Variants in SKAP1 observed in about 807,000 individuals in gnomAD.
SKAP1 encodes the protein src kinase associated phosphoprotein 1, also known as src kinase-associated phosphoprotein 1.
A neutral mutation model predicts 58.5 loss-of-function variants in SKAP1; 44 were observed. The ratio of observed to expected loss-of-function variants is 0.75; its 90% CI spans 0.59 to 0.97. The LOEUF (loss-of-function observed/expected upper bound fraction) is 0.97. Ranked by LOEUF, SKAP1 falls within the 50% of genes least tolerant of loss-of-function variation. The pLI, the probability that SKAP1 is intolerant of heterozygous loss-of-function variation, is 0.00. For synonymous variants in SKAP1, 127 were observed against 149.7 expected (o/e 0.85, Z 1.11); for missense variants, 390 against 435.2 (o/e 0.90, Z 0.92).
intron 4 of SKAP1, among the ~76,000 whole-genome samples, chr17:48,243,239 C>A (rs1308747700): frequency 6.6e-6 from 1 of 152,104 alleles, no homozygotes; most frequent in African/African-American, 2.4e-5. Context: ...CTTGAGCAAG[C>A]CATCTCCCTC....
intron 4 of SKAP1, among the ~76,000 whole-genome samples, chr17:48,249,328 T>C (rs1372742636): frequency 1.3e-5 from 2 of 152,160 alleles, no homozygotes; most frequent in African/African-American, 4.8e-5. Flanking sequence ...TATAATAGTA[T>C]TGAAAATAGT....
At chr17:48,318,946 CTT>C (rs1279729277) in intron 4 of SKAP1, among the ~76,000 whole-genome samples, 1 of 152,130 alleles carries the variant, frequency 6.6e-6, no homozygotes, top group Non-Finnish European at 1.5e-5. Context: ...GAATTCCCAA[CTT>C]AATGTAAATA....
At chr17:48,264,228 A>G (rs2065517133) in intron 4 of SKAP1, among the ~76,000 whole-genome samples, 1 of 151,982 alleles carries the variant, frequency 6.6e-6, no homozygotes, top group Non-Finnish European at 1.5e-5. Context: ...TATATATACA[A>G]AATGTATACA....
At chr17:48,428,823 A>C (rs1567910730) in intron 1 of SKAP1, among the ~76,000 whole-genome samples, 2 of 152,228 alleles carry the variant, frequency 1.3e-5, no homozygotes, top group African/African-American at 2.4e-5. Context: ...AGACACCCAG[A>C]TAATTCTCTT....
chr17:48,368,855 T>G (rs909582065), intron 2 of SKAP1, among the ~76,000 whole-genome samples: 1 of 152,262 alleles, frequency 6.6e-6, no homozygotes, highest in Non-Finnish European at 1.5e-5. Context: ...TTGTAGAGTA[T>G]GCTATTTGTG....
Position 48,298,619 on chromosome 17 carries a change from G to A in SKAP1, c.280+47286C>T, listed in dbSNP as rs77516324. Among the ~76,000 whole-genome samples the A allele has an allele frequency of 6.0e-4, 91 of 152,178 alleles. 1 individual carries two copies. In the East Asian group the frequency reaches 0.015, roughly 25 times the overall value. On this transcript the variant is annotated intron_variant, in intron 4 of 12. Transcript: ENST00000336915. The stretch of plus-strand genomic sequence containing the variant: ...AAGCTCCCTGATGACTACGTAATTC[G>A]CTTCAAGACACTATGTTTTGATTTA...
chr17:48,271,054 CT>C (rs1174378250), intron 4 of SKAP1, among the ~76,000 whole-genome samples: 2 of 151,986 alleles, frequency 1.3e-5, no homozygotes, highest in Non-Finnish European at 2.9e-5. Flanking sequence ...TTGCTTGTTT[CT>C]TTTTTTAAAC....
the SKAP1 span, among the ~76,000 whole-genome samples, chr17:48,436,684 C>A: frequency 1.3e-5 from 2 of 152,126 alleles, no homozygotes; most frequent in African/African-American, 4.8e-5. Flanking sequence ...CCCTCTACCT[C>A]CTCCAACTCT....
chr17:48,196,817 A>G (rs956165513), intron 4 of SKAP1: 10 of 152,262 alleles, frequency 6.6e-5, no homozygotes, highest in African/African-American at 2.4e-4. Context: ...TAACTGATTA[A>G]TCTTTGGAAT....
chr17:48,265,657 A>T (rs1048810915), intron 4 of SKAP1, among the ~76,000 whole-genome samples: 7 of 152,224 alleles, frequency 4.6e-5, no homozygotes, highest in Admixed American at 3.3e-4. Flanking sequence ...ATTTTATTCT[A>T]GTATTGTTGT....
chr17:48,338,567 T>C (rs2066607109), intron 4 of SKAP1, among the ~76,000 whole-genome samples: 1 of 152,138 alleles, frequency 6.6e-6, no homozygotes, highest in African/African-American at 2.4e-5. Flanking sequence ...TTAACCCAAA[T>C]GTATGGGTTA....
At chr17:48,146,753 T>A (rs1355226754) in intron 11 of SKAP1, among the ~76,000 whole-genome samples, 1 of 151,916 alleles carries the variant, frequency 6.6e-6, no homozygotes, top group Non-Finnish European at 1.5e-5. Context: ...CTCAGCTTCC[T>A]GAGTAGTTGA....
chr17:48,139,568 C>T (rs926782324), intron 11 of SKAP1, among the ~76,000 whole-genome samples: 1 of 152,140 alleles, frequency 6.6e-6, no homozygotes, highest in African/African-American at 2.4e-5. Context: ...TCTTTGTACA[C>T]TTGGTTGCTG....
At chr17:48,155,959 G>C (rs1331136633) in intron 11 of SKAP1, among the ~76,000 whole-genome samples, 1 of 152,214 alleles carries the variant, frequency 6.6e-6, no homozygotes, top group African/African-American at 2.4e-5. Context: ...ACTATCACAC[G>C]GAGGGTGATT....
intron 4 of SKAP1, among the ~76,000 whole-genome samples, chr17:48,262,647 T>C (rs1203874013): frequency 3.3e-5 from 5 of 152,204 alleles, no homozygotes; most frequent in African/African-American, 1.2e-4. Flanking sequence ...AAATTTCTTA[T>C]CCTGTTAAAA....
intron 4 of SKAP1, among the ~76,000 whole-genome samples, chr17:48,242,490 C>T (rs2938484): frequency 0.12 from 18,625 of 152,180 alleles, 1,608 homozygotes; most frequent in East Asian, 0.43. Flanking sequence ...CGCATAAAAG[C>T]AATGTCAACC....
chr17:48,374,638 G>T (rs2067130470), intron 2 of SKAP1, among the ~76,000 whole-genome samples: 1 of 152,182 alleles, frequency 6.6e-6, no homozygotes, highest in South Asian at 2.1e-4. Context: ...TTATGCCCAA[G>T]GAAATGGCTT....
chr17:48,418,971 G>T (rs1407047270), intron 1 of SKAP1, among the ~76,000 whole-genome samples: 1 of 152,074 alleles, frequency 6.6e-6, no homozygotes, highest in Non-Finnish European at 1.5e-5. Flanking sequence ...CTTGATCTGG[G>T]GAGTGGTCAC....
intron 5 of SKAP1, 52 bp downstream of exon 5, chr17:48,189,371 C>T (rs1485300452): frequency 2.7e-6 from 4 of 1,462,186 alleles, no homozygotes; most frequent in East Asian, 2.3e-5. Flanking sequence ...TCTTTTTCCT[C>T]ACTTCCCTTC....
Sources: allele counts gnomAD v4.1 joint callset (sites outside exome capture counted in the v4.1 genomes callset), GRCh38; gene constraint gnomAD v4.1.1; transcripts MANE v1.5; gene names NCBI Gene and HGNC (gene_info 2026-07-23, HGNC 2026-07-21).